Variants in CPA6 observed in about 807,000 individuals in gnomAD.
CPA6 encodes carboxypeptidase B.
A neutral mutation model predicts 63.3 loss-of-function variants in CPA6; 58 were observed. The ratio of observed to expected loss-of-function variants is 0.92; its 90% CI spans 0.74 to 1.14. The LOEUF (loss-of-function observed/expected upper bound fraction) is 1.14, where lower values mean the gene tolerates loss of function less well. CPA6 is among the 50% of genes most tolerant of loss of function. CPA6 has a pLI of 0.00. For missense variants in CPA6, 565 were observed against 526.6 expected, an observed-to-expected ratio of 1.07 and a Z score of -0.71; for synonymous variants, 185 against 179.0, an observed-to-expected ratio of 1.03 and a Z score of -0.27.
chr8:67,476,418 C>G (rs949422415), intron 8 of CPA6, among the ~76,000 whole-genome samples: 1 of 152,166 alleles, frequency 6.6e-6, no homozygotes, highest in African/African-American at 2.4e-5. Flanking sequence ...AACCATATGC[C>G]TGACATCTCA....
intron 8 of CPA6, among the ~76,000 whole-genome samples, chr8:67,452,833 C>G (rs564841083): frequency 6.6e-6 from 1 of 152,116 alleles, no homozygotes; most frequent in African/African-American, 2.4e-5. Context: ...ACTTGTAGAA[C>G]TCAAGGAGTT....
intron 1 of CPA6, among the ~76,000 whole-genome samples, chr8:67,634,549 G>A (rs977852076): frequency 2.6e-5 from 4 of 151,526 alleles, no homozygotes; most frequent in South Asian, 2.1e-4. Flanking sequence ...TTCACTTTGC[G>A]GGGAGAAAGA....
At chr8:67,567,293 G>A (rs1813361424) in intron 2 of CPA6, among the ~76,000 whole-genome samples, 1 of 152,136 alleles carries the variant, frequency 6.6e-6, no homozygotes, top group Non-Finnish European at 1.5e-5. Flanking sequence ...GTTTTGAGAT[G>A]TCCTCTTAAA....
chr8:67,737,355 G>A (rs908712775), intron 1 of CPA6, among the ~76,000 whole-genome samples: 4 of 152,186 alleles, frequency 2.6e-5, no homozygotes, highest in African/African-American at 4.8e-5. Flanking sequence ...TGTTCTTGAT[G>A]ACTGAGATCA....
chr8:67,580,839 A>G (rs187022481), intron 2 of CPA6, among the ~76,000 whole-genome samples: 138 of 152,298 alleles, frequency 9.1e-4, no homozygotes, highest in African/African-American at 3.0e-3. Context: ...CCCATGATTG[A>G]TTAATAGGGT....
chr8:67,689,706 T>C (rs996612723), intron 1 of CPA6, among the ~76,000 whole-genome samples: 2 of 152,236 alleles, frequency 1.3e-5, no homozygotes, highest in Admixed American at 1.3e-4. Flanking sequence ...TACATGTCTT[T>C]GCTATTGATA....
rs762395117 is a variant in CPA6 at position 67,552,774 on chromosome 8, C to CAAAAAAAAAAAAAAAAAAAAAAAAAA, written c.193-34753_193-34728dup. Among the ~76,000 whole-genome samples, 5 of 20,930 alleles carry CAAAAAAAAAAAAAAAAAAAAAAAAAA rather than the reference C, an allele frequency of 2.4e-4. 1 individual carries two copies. Among genetic ancestry groups the CAAAAAAAAAAAAAAAAAAAAAAAAAA allele is most frequent in the Non-Finnish European group, 4.3e-4 (5 of 11,524 alleles). The allele number at this position is 20,930 out of a possible 152,430, so 13.7% of individuals were successfully genotyped here. On this transcript the variant is annotated intron_variant, in intron 2 of 10. Coordinates refer to ENST00000297770, the MANE Select transcript of CPA6 (RefSeq NM_020361.5). ...CCTGGGTGACAGAGCAAGACTGTCTCAAAAAAAAAAAAAAAAAAAAAAAAA... is the reference window on the plus strand; with the variant it reads ...CCTGGGTGACAGAGCAAGACTGTCTCAAAAAAAAAAAAAAAAAAAAAAAAAAAAAAAAAAAAAAAAAAAAAAAAAAA...
intron 1 of CPA6, among the ~76,000 whole-genome samples, chr8:67,708,187 G>A (rs1817178017): frequency 6.6e-6 from 1 of 152,126 alleles, no homozygotes; most frequent in Non-Finnish European, 1.5e-5. Flanking sequence ...ACAGAACAAA[G>A]TTTCATCAAA....
At chr8:67,733,243 A>G (rs865805802) in intron 1 of CPA6, among the ~76,000 whole-genome samples, 1 of 144,634 alleles carries the variant, frequency 6.9e-6, no homozygotes, top group South Asian at 2.2e-4. Flanking sequence ...TTTAGCGTCT[A>G]TCACCTGGAG....
intron 2 of CPA6, among the ~76,000 whole-genome samples, chr8:67,537,124 G>A (rs781707277): frequency 4.6e-5 from 7 of 152,108 alleles, no homozygotes; most frequent in Admixed American, 6.6e-5. Context: ...TTTTCACATC[G>A]ATGTTCATCA....
At chr8:67,479,969 C>T (rs1303116349) in intron 8 of CPA6, among the ~76,000 whole-genome samples, 1 of 151,570 alleles carries the variant, frequency 6.6e-6, no homozygotes, top group East Asian at 1.9e-4. Flanking sequence ...CCCCCGGCTC[C>T]ACTTTTTTTT....
chr8:67,589,648 A>C (rs1421219775), intron 2 of CPA6, among the ~76,000 whole-genome samples: 1 of 152,158 alleles, frequency 6.6e-6, no homozygotes, highest in African/African-American at 2.4e-5. Context: ...AAGTTTTATA[A>C]ACATCCTTGC....
In CPA6 at chr8:67,484,703, A is replaced by C. The variant is rs952375094; in HGVS notation, c.723T>G (p.Asp241Glu). ...YFYIMPVFNVDGYHFSWTNDR... is the reference protein window; with the variant it reads ...YFYIMPVFNVEGYHFSWTNDR... ...CATTGGTCCAACTAAAATGGTATCCATCGACGTTAAACACAGGCATGATAT... is the reference window on the plus strand; with the variant it reads ...CATTGGTCCAACTAAAATGGTATCCCTCGACGTTAAACACAGGCATGATAT... The change falls in exon 7 of 11, where the codon GAT becomes GAG. Residue 241 changes from aspartate (D) to glutamate (E), a missense_variant. Physicochemically the swap from Asp to Glu is conservative, Grantham distance 45. Transcript: ENST00000297770. The C allele has an allele frequency of 1.3e-6, 2 of 1,599,840 alleles. No homozygotes were observed. The highest frequency in any genetic ancestry group is 2.7e-5 in the African/African-American group (2 of 74,606).
At chr8:67,741,819 G>A (rs922284522) in intron 1 of CPA6, among the ~76,000 whole-genome samples, 62 of 151,768 alleles carry the variant, frequency 4.1e-4, no homozygotes, top group African/African-American at 1.2e-3. Flanking sequence ...ATATTATAAC[G>A]TAATAACAAT....
chr8:67,446,999 T>G (rs1018686901), intron 8 of CPA6, among the ~76,000 whole-genome samples: 5 of 148,926 alleles, frequency 3.4e-5, no homozygotes, highest in Admixed American at 1.4e-4. Context: ...AAATTACACA[T>G]TCATATATAT....
intron 1 of CPA6, among the ~76,000 whole-genome samples, chr8:67,636,100 G>A (rs1815463229): frequency 6.6e-6 from 1 of 151,560 alleles, no homozygotes. Context: ...GGGTAGATGT[G>A]TGGTATAAAT....
chr8:67,633,838 C>T (rs1815401411), intron 1 of CPA6, among the ~76,000 whole-genome samples: 1 of 151,974 alleles, frequency 6.6e-6, no homozygotes, highest in Non-Finnish European at 1.5e-5. Context: ...GTAATTTGTC[C>T]CCTTGAACAA....
chr8:67,633,132 A>G (rs1431242398), intron 1 of CPA6, among the ~76,000 whole-genome samples: 1 of 152,178 alleles, frequency 6.6e-6, no homozygotes, highest in Non-Finnish European at 1.5e-5. Context: ...TCTGGACAGA[A>G]TAAAACTTTT....
intron 1 of CPA6, among the ~76,000 whole-genome samples, chr8:67,679,655 T>C (rs992178938): frequency 1.3e-5 from 2 of 152,194 alleles, no homozygotes; most frequent in African/African-American, 4.8e-5. Flanking sequence ...TCCATAGCTG[T>C]CATGCTTTAG....
Sources: allele counts gnomAD v4.1 joint callset (sites outside exome capture counted in the v4.1 genomes callset), GRCh38; gene constraint gnomAD v4.1.1; transcripts MANE v1.5; gene names NCBI Gene and HGNC (gene_info 2026-07-23, HGNC 2026-07-21).